Variants in CHD2 observed in about 807,000 individuals in gnomAD.
CHD2 encodes chromodomain helicase DNA binding protein 2.
A neutral mutation model predicts 243.9 loss-of-function variants in CHD2; 28 were observed. That is an observed-to-expected ratio of 0.11 (90% CI 0.09 to 0.16). The LOEUF (loss-of-function observed/expected upper bound fraction) is 0.16. Among genes scored for constraint, CHD2 ranks in the 10% least tolerant of loss-of-function variants. CHD2 has a pLI of 1.00. For missense variants in CHD2, 1,386 were observed against 2,209.8 expected (o/e 0.63, Z 7.47); for synonymous variants, 775 against 779.0 (o/e 0.99, Z 0.09).
chr15:92,908,869 A>T (rs1325574628), intron 2 of CHD2, among the ~76,000 whole-genome samples: 1 of 152,174 alleles, frequency 6.6e-6, no homozygotes, highest in Non-Finnish European at 1.5e-5. Context: ...CTGTAATCCC[A>T]GCAGTTTGGG....
chr15:92,924,404 A>C lies in CHD2; in HGVS notation c.146A>C (p.His49Pro). ...SEQGSDPGSGHGSESNSSSES... is the reference protein window; with the variant it reads ...SEQGSDPGSGPGSESNSSSES... ...CAGGGAAGTGATCCAGGAAGTGGACATGGCAGCGAGTCGAACAGCAGCTCT... is the reference window on the plus strand; with the variant it reads ...CAGGGAAGTGATCCAGGAAGTGGACCTGGCAGCGAGTCGAACAGCAGCTCT... Residue 49 changes from histidine (H) to proline (P), a missense_variant, in exon 3 of 39, where the codon CAT (histidine) becomes CCT (proline). Around this residue, in one of 19 missense-constraint regions of CHD2, gnomAD observed 89 missense variants for 102.4 expected, o/e 0.87. Coordinates refer to ENST00000394196, the MANE Select transcript of CHD2 (RefSeq NM_001271.4). 6.2e-7 allele frequency: 1 copy of C among 1,614,180 alleles called. No homozygotes were observed. Among genetic ancestry groups the C allele is most frequent in the Non-Finnish European group, 8.5e-7 (1 of 1,180,016 alleles).
At chr15:92,921,465 C>G (rs1335766807) in intron 2 of CHD2, 1 of 152,164 alleles carries the variant, frequency 6.6e-6, no homozygotes, top group Non-Finnish European at 1.5e-5. Flanking sequence ...CAGGTACTGC[C>G]TTGCCTAACA....
At position 92,924,381 on chromosome 15, in the gene CHD2, G is replaced by C; in HGVS notation, c.123G>C (p.Gln41His). Residue 41 changes from glutamine to histidine, a missense_variant, in exon 3 of 39, where the codon CAG becomes CAC. Coordinates refer to ENST00000394196, the MANE Select transcript of CHD2 (RefSeq NM_001271.4). ...SDSGSQSESE[Q>H]GSDPGSGHGS... ...CAGGCAGTCAGTCGGAAAGTGAGCA[G>C]GGAAGTGATCCAGGAAGTGGACATG... 1 of 1,614,092 alleles carries C rather than the reference G, an allele frequency of 6.2e-7. No individual in the cohort carries two copies. The highest frequency in any genetic ancestry group is 8.5e-7 in the Non-Finnish European group (1 of 1,180,018).
chr15:92,911,792 A>G (rs1596368892), intron 2 of CHD2, among the ~76,000 whole-genome samples: 1 of 152,168 alleles, frequency 6.6e-6, no homozygotes, highest in Admixed American at 6.5e-5. Context: ...ACTAATGTAT[A>G]TGAGACTGCG....
chr15:92,940,397 A>C (rs1234630517), intron 7 of CHD2, among the ~76,000 whole-genome samples: 1 of 152,178 alleles, frequency 6.6e-6, no homozygotes, highest in Admixed American at 6.5e-5. Context: ...CAGTGAGTTG[A>C]GATCACGCCA....
At position 92,916,777 on chromosome 15, in the gene CHD2, C is replaced by G. The variant is rs867548120; in HGVS notation, c.63-7544C>G. 3.9e-5 allele frequency among the ~76,000 whole-genome samples: 6 copies of G among 152,342 alleles called. No homozygotes were observed. In the Middle Eastern group the frequency reaches 0.01, roughly 259 times the overall value. On this transcript the variant is annotated intron_variant, in intron 2 of 38. Transcript: ENST00000394196. Reference sequence around the variant, plus strand: ...CCATGTGGTCCAGGATTGTCTCAGTCTCCTGACCTCCTAATCTGACCACCT... The same window carrying G: ...CCATGTGGTCCAGGATTGTCTCAGTGTCCTGACCTCCTAATCTGACCACCT...
chr15:92,963,350 G>A (rs1198220305), intron 16 of CHD2, among the ~76,000 whole-genome samples: 2 of 151,954 alleles, frequency 1.3e-5, no homozygotes, highest in South Asian at 4.2e-4. Flanking sequence ...ATTGTAATTG[G>A]TTGCTGTAGG....
At chr15:92,996,628 G>C (rs992283942) in intron 28 of CHD2, among the ~76,000 whole-genome samples, 3 of 152,088 alleles carry the variant, frequency 2.0e-5, no homozygotes, top group African/African-American at 7.2e-5. Flanking sequence ...AAAACAAAAA[G>C]AGAAACCTTC....
intron 27 of CHD2, among the ~76,000 whole-genome samples, chr15:92,992,123 C>G (rs926992353): frequency 5.9e-5 from 9 of 152,352 alleles, no homozygotes; most frequent in Non-Finnish European, 8.8e-5. Context: ...AAAGGAAATA[C>G]TGGGCTCCCT....
intron 13 of CHD2, among the ~76,000 whole-genome samples, chr15:92,951,548 G>A (rs1374091358): frequency 6.6e-6 from 1 of 152,176 alleles, no homozygotes; most frequent in African/African-American, 2.4e-5. Context: ...CTGGTCACAG[G>A]AATGTTACTA....
At position 92,932,603 on chromosome 15, in the gene CHD2, T is replaced by A. The variant is rs1000229586; in HGVS notation, c.443+3512T>A. On this transcript the variant is annotated intron_variant, in intron 5 of 38. Coordinates refer to ENST00000394196, the MANE Select transcript of CHD2 (RefSeq NM_001271.4). Reference sequence around the variant, plus strand: ...ATGATGGTTTCTAGCTTCATCCATGTCCTTACAAAGGACATGTCTGATTTC... The same window carrying A: ...ATGATGGTTTCTAGCTTCATCCATGACCTTACAAAGGACATGTCTGATTTC... Among the ~76,000 whole-genome samples, 29 of 152,234 alleles carry A rather than the reference T, an allele frequency of 1.9e-4. 1 individual carries two copies. The highest frequency in any genetic ancestry group is 6.7e-4 in the African/African-American group (28 of 41,528).
Position 92,998,469 on chromosome 15 carries a change from G to C in CHD2, c.3886-30G>C. ...TCCACTAACCAGGATGTGGGTGGTG[G>C]CGGGTGCTTCTCTTCCTTTCTTGTT... On this transcript the variant is annotated intron_variant, in intron 30 of 38. Transcript: ENST00000394196. This position sits in a 1 kb window ranked among gnomAD's most constrained non-coding sequence, Gnocchi z 5.1. The C allele has an allele frequency of 1.2e-6, 2 of 1,612,964 alleles. No homozygotes were observed. The highest frequency in any genetic ancestry group is 1.7e-6 in the Non-Finnish European group (2 of 1,179,238).
intron 34 of CHD2, 100 bp from the exon 35 acceptor site, chr15:93,009,045 C>A: frequency 1.5e-6 from 2 of 1,294,152 alleles, no homozygotes; most frequent in Non-Finnish European, 1.1e-6. Context: ...AATTATATGG[C>A]ATAGGGGTGG....
chr15:92,981,576 A>T (rs1399695844), intron 24 of CHD2, 119 bp downstream of exon 24: 8 of 689,574 alleles, frequency 1.2e-5, no homozygotes, highest in Non-Finnish European at 2.0e-5. Flanking sequence ...ATTGAGTCAT[A>T]TCCTCAATAT....
chr15:92,931,544 T>A (rs1357651132), intron 5 of CHD2, among the ~76,000 whole-genome samples: 1 of 151,822 alleles, frequency 6.6e-6, no homozygotes, highest in Non-Finnish European at 1.5e-5. Context: ...CATGCCTGAT[T>A]TTGTATTTTT....
At chr15:93,015,026 T>C (rs775589259) in intron 37 of CHD2, 117 bp downstream of exon 37, 64 of 791,522 alleles carry the variant, frequency 8.1e-5, no homozygotes, top group Middle Eastern at 2.4e-4. Flanking sequence ...TCTAACACTT[T>C]ATTGTCCTCT....
rs114518744 is a variant in CHD2 at position 92,979,896 on chromosome 15, C to T, written c.2876+613C>T. ...TTGTGCCACTGCAGTCCAGCCTGGG[C>T]GACCGATAATAATAATAATAATATC... On this transcript the variant is annotated intron_variant, in intron 22 of 38. Coordinates refer to ENST00000394196, the MANE Select transcript of CHD2 (RefSeq NM_001271.4). Among the ~76,000 whole-genome samples the T allele has an allele frequency of 8.5e-3, 1,281 of 150,630 alleles. 15 individuals carry two copies. The highest frequency in any genetic ancestry group is 0.026 in the African/African-American group (1,056 of 40,894).
chr15:92,912,336 G>A (rs188289440), intron 2 of CHD2, among the ~76,000 whole-genome samples: 20 of 152,220 alleles, frequency 1.3e-4, no homozygotes, highest in Admixed American at 1.0e-3. Flanking sequence ...CTGCCGTCTC[G>A]GGGAATAGTT....
chr15:93,014,238 T>A (rs1322596940), intron 36 of CHD2, among the ~76,000 whole-genome samples: 2 of 152,176 alleles, frequency 1.3e-5, no homozygotes, highest in Non-Finnish European at 2.9e-5. Context: ...ACATTTGACT[T>A]GTGTGATAAG....
Sources: allele counts gnomAD v4.1 joint callset (sites outside exome capture counted in the v4.1 genomes callset), GRCh38; gene constraint gnomAD v4.1.1; regional missense constraint gnomAD v4.1.1; non-coding constraint Gnocchi (gnomAD v3.1); transcripts MANE v1.5; gene names NCBI Gene and HGNC (gene_info 2026-07-23, HGNC 2026-07-21).